RPTOR: variants seen among roughly 807,000 people sequenced by gnomAD.
RPTOR encodes the protein regulatory-associated protein of mTOR.
A neutral mutation model predicts 169.9 loss-of-function variants in RPTOR; 21 were observed. That is an observed-to-expected ratio of 0.12 (90% CI 0.09 to 0.18). The LOEUF is 0.18. Ranked by LOEUF, RPTOR falls within the 10% of genes least tolerant of loss-of-function variation. RPTOR has a pLI of 1.00. For synonymous variants in RPTOR, 732 were observed against 753.2 expected, an observed-to-expected ratio of 0.97 and a Z score of 0.46; for missense variants, 1,133 against 1,855.9, an observed-to-expected ratio of 0.61 and a Z score of 7.16.
intron 20 of RPTOR, among the ~76,000 whole-genome samples, chr17:80,894,918 C>T (rs1253315869): frequency 6.6e-6 from 1 of 152,242 alleles, no homozygotes; most frequent in African/African-American, 2.4e-5. Flanking sequence ...GAGGCCTTTA[C>T]CTCCTATTGG....
chr17:80,902,077 A>G lies in RPTOR; in HGVS notation c.2402-6734A>G, dbSNP rs146939077. Among the ~76,000 whole-genome samples, 363 of 151,724 alleles carry G rather than the reference A, an allele frequency of 2.4e-3. 1 individual carries two copies. The highest frequency in any genetic ancestry group is 8.4e-3 in the African/African-American group (346 of 41,336). On this transcript the variant is annotated intron_variant, in intron 20 of 33. Transcript: ENST00000306801. ...GATGTCTCCATCCTGCTTGTTTCTC[A>G]CTCAGCCCTTCGTCTGGCCTGACAT...
At chr17:80,727,337 TC>T (rs1271665438) in intron 4 of RPTOR, among the ~76,000 whole-genome samples, 5 of 146,374 alleles carry the variant, frequency 3.4e-5, no homozygotes, top group Non-Finnish European at 7.5e-5. Flanking sequence ...GCACCTCTGA[TC>T]ATGTCACACT....
chr17:80,798,593 A>G (rs9890864), intron 7 of RPTOR, among the ~76,000 whole-genome samples: 33,426 of 151,410 alleles, frequency 0.22, 3,954 homozygotes, highest in African/African-American at 0.3. Flanking sequence ...CTCCTCCAAC[A>G]CCACTCCTCC....
intron 13 of RPTOR, among the ~76,000 whole-genome samples, chr17:80,864,305 A>G (rs2067957006): frequency 1.4e-5 from 2 of 145,894 alleles, no homozygotes; most frequent in Non-Finnish European, 3.1e-5. Flanking sequence ...GATTTCCTAC[A>G]GATGGAAAAG....
intron 7 of RPTOR, among the ~76,000 whole-genome samples, chr17:80,807,841 A>G (rs2067234958): frequency 6.6e-6 from 1 of 152,166 alleles, no homozygotes; most frequent in Non-Finnish European, 1.5e-5. Context: ...CAGGCCATGT[A>G]AGGTCTCTGT....
At chr17:80,775,473 T>G (rs2066884356) in intron 6 of RPTOR, among the ~76,000 whole-genome samples, 1 of 152,200 alleles carries the variant, frequency 6.6e-6, no homozygotes, top group African/African-American at 2.4e-5. Flanking sequence ...CTCAGATGCT[T>G]CAGGGGGTAG....
At chr17:80,546,205 GAT>G (rs555651105) in intron 1 of RPTOR, among the ~76,000 whole-genome samples, 183 of 152,278 alleles carry the variant, frequency 1.2e-3, no homozygotes, top group African/African-American at 3.9e-3. Flanking sequence ...GCAGAAGTCT[GAT>G]ATACTATGCT....
At chr17:80,891,921 G>T in intron 18 of RPTOR, 84 bp downstream of exon 18, 7 of 911,084 alleles carry the variant, frequency 7.7e-6, no homozygotes, top group Non-Finnish European at 6.9e-6. Flanking sequence ...GCTCACCCTC[G>T]CAGAGTCTAA....
chr17:80,874,416 C>A (rs2143809010), intron 13 of RPTOR, among the ~76,000 whole-genome samples: 1 of 152,228 alleles, frequency 6.6e-6, no homozygotes, highest in African/African-American at 2.4e-5. Flanking sequence ...AGGATGGTCT[C>A]CGTCTCTTAA....
intron 21 of RPTOR, among the ~76,000 whole-genome samples, chr17:80,910,686 C>T (rs945689145): frequency 4.6e-5 from 7 of 152,178 alleles, no homozygotes; most frequent in South Asian, 4.2e-4. Context: ...GGGTCCTGGC[C>T]GGCCATCGAG....
At chr17:80,915,771 C>G (rs2068666073) in intron 21 of RPTOR, among the ~76,000 whole-genome samples, 1 of 137,682 alleles carries the variant, frequency 7.3e-6, no homozygotes, top group South Asian at 2.5e-4. Context: ...GCTACCCACT[C>G]CAGGGTCTCC....
At chr17:80,940,286 CTG>C (rs775848495) in intron 24 of RPTOR, 26 of 508,126 alleles carry the variant, frequency 5.1e-5, no homozygotes, top group South Asian at 2.6e-4. Flanking sequence ...AGCGTTGACA[CTG>C]TGTCGGGTAT....
chr17:80,903,185 C>T (rs1023371813), intron 20 of RPTOR, among the ~76,000 whole-genome samples: 10 of 152,232 alleles, frequency 6.6e-5, no homozygotes, highest in Non-Finnish European at 1.0e-4. Context: ...CTGTGGCAAG[C>T]GCCCTGCTCA....
At chr17:80,720,720 G>A (rs2143156472) in intron 4 of RPTOR, among the ~76,000 whole-genome samples, 1 of 152,322 alleles carries the variant, frequency 6.6e-6, no homozygotes, top group East Asian at 1.9e-4. Context: ...ATGCTTGAGT[G>A]CGCCCAGCAT....
At chr17:80,736,229 C>T (rs915680565) in intron 5 of RPTOR, among the ~76,000 whole-genome samples, 1 of 151,872 alleles carries the variant, frequency 6.6e-6, no homozygotes, top group African/African-American at 2.4e-5. Context: ...CTCCACTATT[C>T]CCCCGCACTC....
chr17:80,891,785 G>C lies in RPTOR; in HGVS notation c.2049G>C (p.Leu683=). The change falls in exon 18 of 34, where the codon CTG becomes CTC. Residue 683 remains leucine (L), a synonymous_variant. Transcript: ENST00000306801. The part of the protein sequence containing the change: ...QYESNFCTVA[L]QFIEEEKNYA... ...AAAGCAATTTCTGCACCGTGGCCCT[G>C]CAGTTCATAGAAGAGGAAAAGAACT... The C allele has an allele frequency of 6.2e-7, 1 of 1,614,098 alleles. No individual in the cohort carries two copies. The highest frequency in any genetic ancestry group is 8.5e-7 in the Non-Finnish European group (1 of 1,180,004).
At chr17:80,732,116 G>A (rs1161284235) in intron 5 of RPTOR, among the ~76,000 whole-genome samples, 1 of 152,138 alleles carries the variant, frequency 6.6e-6, no homozygotes, top group Non-Finnish European at 1.5e-5. Flanking sequence ...GAAACTCAAA[G>A]CATTGAGAGG....
intron 3 of RPTOR, among the ~76,000 whole-genome samples, chr17:80,693,690 T>G (rs2066012060): frequency 6.6e-6 from 1 of 152,228 alleles, no homozygotes; most frequent in Non-Finnish European, 1.5e-5. Flanking sequence ...TCTGGCAGAC[T>G]TATGCCAGCC....
intron 13 of RPTOR, among the ~76,000 whole-genome samples, chr17:80,866,462 T>G (rs188211445): frequency 5.3e-4 from 81 of 152,182 alleles, no homozygotes; most frequent in Non-Finnish European, 8.8e-4. Context: ...TGGAGACTAA[T>G]ACGAAAGAAG....
Sources: gnomAD v4.1 joint callset for allele counts (sites outside exome capture counted in the v4.1 genomes callset) on GRCh38, gnomAD v4.1.1 for gene constraint, MANE v1.5 for transcripts, NCBI Gene and HGNC (gene_info 2026-07-23, HGNC 2026-07-21) for gene names.